The following DCLK2 variants were observed in gnomAD, a reference collection of about 807,000 sequenced individuals.
The protein encoded by DCLK2 is doublecortin like kinase 2.
Under a neutral mutation model 78.4 loss-of-function variants are expected in DCLK2, and 31 were observed. The observed-to-expected ratio is 0.40, with a 90% CI of 0.30 to 0.53. The LOEUF (loss-of-function observed/expected upper bound fraction) is 0.53. Ranked by LOEUF, DCLK2 falls within the 20% of genes least tolerant of loss-of-function variation. The probability of loss-of-function intolerance (pLI) is 0.61; values close to 1 mark genes in which losing one functional copy is unlikely to be tolerated. For synonymous variants in DCLK2, 407 were observed against 374.9 expected, an observed-to-expected ratio of 1.09 and a Z score of -0.99; for missense variants, 872 against 973.7, an observed-to-expected ratio of 0.90 and a Z score of 1.39.
chr4:150,197,275 A>ATATTCCCT (rs1356761425), intron 3 of DCLK2, among the ~76,000 whole-genome samples: 1 of 152,234 alleles, frequency 6.6e-6, no homozygotes, highest in Non-Finnish European at 1.5e-5. Context: ...TACCCTTTTA[A>ATATTCCCT]AATAAGGCAG....
In DCLK2 at chr4:150,127,069, T is replaced by A. The variant is rs567738406; in HGVS notation, c.756+24257T>A. On this transcript the variant is annotated intron_variant, in intron 2 of 15. Transcript: ENST00000296550. ...TACTAAGGAAGTTATATTGTGCCTT[T>A]TCAGTGAATCATAACAGAAGGTATA... Among the ~76,000 whole-genome samples the A allele has an allele frequency of 2.0e-5, 3 of 152,344 alleles. No homozygotes were observed. In the South Asian group the frequency reaches 6.2e-4, roughly 32 times the overall value.
intron 1 of DCLK2, among the ~76,000 whole-genome samples, chr4:150,094,561 A>T (rs1405973579): frequency 6.6e-6 from 1 of 152,172 alleles, no homozygotes; most frequent in East Asian, 1.9e-4. Flanking sequence ...GACTGACATG[A>T]CCTACGAGTG....
At chr4:150,156,631 T>G (rs980732723) in intron 2 of DCLK2, among the ~76,000 whole-genome samples, 3 of 151,884 alleles carry the variant, frequency 2.0e-5, no homozygotes, top group Non-Finnish European at 4.4e-5. Flanking sequence ...ATCATGCCAT[T>G]GCACCTGCAG....
In DCLK2 at chr4:150,175,011, A is replaced by AATATATATATAT. The variant is rs1327523541; in HGVS notation, c.757-18116_757-18105dup. On this transcript the variant is annotated intron_variant, in intron 2 of 15. Coordinates refer to ENST00000296550, the MANE Select transcript of DCLK2 (RefSeq NM_001040260.4). Reference sequence around the variant, plus strand: ...AGACTCCGTCGCAAAAAAAAAAAAAAATATATATATATATATATATATTTA... The same window carrying AATATATATATAT: ...AGACTCCGTCGCAAAAAAAAAAAAAAATATATATATATATATATATATATATATATATATTTA... 3.0e-4 allele frequency among the ~76,000 whole-genome samples: 3 copies of AATATATATATAT among 9,976 alleles called. 1 individual carries two copies. The highest frequency in any genetic ancestry group is 5.3e-3 in the South Asian group (2 of 380). The allele number at this position is 9,976 out of a possible 152,430, so 6.5% of individuals were successfully genotyped here. A position where few individuals can be genotyped will look rare whatever the true frequency, so the allele number is the denominator to read the frequency against.
intron 2 of DCLK2, among the ~76,000 whole-genome samples, chr4:150,104,394 T>TAAAA (rs34276664): frequency 1.0e-4 from 3 of 29,754 alleles, no homozygotes; most frequent in African/African-American, 1.7e-4. Context: ...CCACATCTCC[T>TAAAA]AAAAAAAAAA....
chr4:150,168,069 T>A (rs1017638534), intron 2 of DCLK2, among the ~76,000 whole-genome samples: 4 of 152,034 alleles, frequency 2.6e-5, no homozygotes, highest in African/African-American at 4.8e-5. Flanking sequence ...TCAGGCCAGG[T>A]GCGGTGGCTC....
At chr4:150,178,144 G>T (rs1188627120) in intron 2 of DCLK2, among the ~76,000 whole-genome samples, 1 of 152,172 alleles carries the variant, frequency 6.6e-6, no homozygotes, top group South Asian at 2.1e-4. Flanking sequence ...GGGGGCAGAG[G>T]TTCACAGCCA....
At chr4:150,176,085 G>A (rs1356101151) in intron 2 of DCLK2, among the ~76,000 whole-genome samples, 1 of 152,178 alleles carries the variant, frequency 6.6e-6, no homozygotes, top group African/African-American at 2.4e-5. Context: ...TCCCACTAAT[G>A]TTCGAATCCT....
At chr4:150,216,421 T>G (rs1389469339) in intron 5 of DCLK2, among the ~76,000 whole-genome samples, 1 of 152,182 alleles carries the variant, frequency 6.6e-6, no homozygotes, top group Admixed American at 6.5e-5. Flanking sequence ...GGGGATCTCT[T>G]GAGGTCAGGA....
intron 12 of DCLK2, among the ~76,000 whole-genome samples, chr4:150,241,119 G>T (rs1280664453): frequency 6.6e-6 from 1 of 152,140 alleles, no homozygotes; most frequent in Non-Finnish European, 1.5e-5. Context: ...ATTCAAGTTT[G>T]TTCTCATAGA....
chr4:150,226,159 G>A (rs11727182), intron 8 of DCLK2, among the ~76,000 whole-genome samples: 69,256 of 151,208 alleles, frequency 0.46, 17,466 homozygotes, highest in Non-Finnish European at 0.58. Context: ...TATTCTGCTC[G>A]AATGGTTTAG....
chr4:150,253,562 C>T (rs1186203829), intron 15 of DCLK2: 17 of 1,289,654 alleles, frequency 1.3e-5, no homozygotes, highest in Non-Finnish European at 1.7e-5. Context: ...TCCTGGTATT[C>T]ACCACGCTGC....
rs772054659 is a variant in DCLK2 at position 150,249,687 on chromosome 4, G to A, written c.2073+3G>A. The A allele has an allele frequency of 9.3e-6, 15 of 1,612,142 alleles. No individual in the cohort carries two copies. The highest frequency in any genetic ancestry group is 1.3e-5 in the Non-Finnish European group (15 of 1,178,928). ...CCACCGGGGTCTCCGTCATCATGGT[G>A]AGTGGAAGGCGGCAGGTCTGGCCTG... On this transcript the variant is annotated splice_donor_region_variant and intron_variant, in intron 15 of 15. Coordinates refer to ENST00000296550, the MANE Select transcript of DCLK2 (RefSeq NM_001040260.4).
In DCLK2 at chr4:150,257,286, A is replaced by G. The variant is rs1224298479; in HGVS notation, c.*1039A>G. 1.3e-5 allele frequency: 2 copies of G among 152,570 alleles called. No homozygotes were observed. Among genetic ancestry groups the G allele is most frequent in the Non-Finnish European group, 2.9e-5 (2 of 68,074 alleles). The allele number at this position is 152,570 out of a possible 1,614,324, so 9.5% of individuals were successfully genotyped here. A position where few individuals can be genotyped will look rare whatever the true frequency, so the allele number is the denominator to read the frequency against. ...TGGCAGTTTTTCCTTTTTGTCCACC[A>G]CCCTGCTCTTTTTAATAATTGTACA... On this transcript the variant is annotated 3_prime_UTR_variant, in exon 16 of 16. Transcript: ENST00000296550.
chr4:150,180,762 T>A (rs1264574951), intron 2 of DCLK2, among the ~76,000 whole-genome samples: 1 of 152,092 alleles, frequency 6.6e-6, no homozygotes, highest in African/African-American at 2.4e-5. Flanking sequence ...GAAACTAGAA[T>A]CTCTTCCCCA....
chr4:150,236,879 C>T (rs1459748), intron 10 of DCLK2, among the ~76,000 whole-genome samples: 133,570 of 152,134 alleles, frequency 0.88, 59,042 homozygotes, highest in Middle Eastern at 0.96. Context: ...TCAGCAGTTA[C>T]AGACTGTTCA....
intron 1 of DCLK2, among the ~76,000 whole-genome samples, chr4:150,091,254 C>G (rs1438880107): frequency 6.6e-6 from 1 of 152,138 alleles, no homozygotes; most frequent in African/African-American, 2.4e-5. Flanking sequence ...CTTGTAGAGG[C>G]AAATATGCTC....
At chr4:150,086,000 A>G (rs1729610428) in intron 1 of DCLK2, among the ~76,000 whole-genome samples, 1 of 152,170 alleles carries the variant, frequency 6.6e-6, no homozygotes, top group African/African-American at 2.4e-5. Flanking sequence ...TTGGCTGGGT[A>G]CTTGATCAGA....
chr4:150,250,295 A>G (rs1743667445), intron 15 of DCLK2, among the ~76,000 whole-genome samples: 1 of 152,094 alleles, frequency 6.6e-6, no homozygotes, highest in Non-Finnish European at 1.5e-5. Flanking sequence ...TCTTAAGGCA[A>G]CTCTCCTAAA....
Sources: gnomAD v4.1 joint callset for allele counts (sites outside exome capture counted in the v4.1 genomes callset) on GRCh38, gnomAD v4.1.1 for gene constraint, MANE v1.5 for transcripts, NCBI Gene and HGNC (gene_info 2026-07-23, HGNC 2026-07-21) for gene names.